GRM7: variants seen among roughly 807,000 people sequenced by gnomAD.
GRM7 encodes metabotropic glutamate receptor 7.
In GRM7, 35 loss-of-function variants were observed where a neutral mutation model predicts 84.5. The observed-to-expected ratio is 0.41, with a 90% CI of 0.32 to 0.55. GRM7 has a LOEUF of 0.55. Among genes scored for constraint, GRM7 ranks in the 20% least tolerant of loss-of-function variants. GRM7 has a pLI of 0.19. For missense variants in GRM7, 1,003 were observed against 1,194.6 expected (o/e 0.84, Z 2.36); for synonymous variants, 487 against 455.1 (o/e 1.07, Z -0.89).
chr3:7,313,708 A>G (rs996657064), intron 4 of GRM7, among the ~76,000 whole-genome samples: 2 of 152,130 alleles, frequency 1.3e-5, no homozygotes, highest in African/African-American at 2.4e-5. Context: ...ATATATCCCT[A>G]TATTTATCAC....
chr3:7,668,201 G>A (rs1699776923), intron 8 of GRM7, among the ~76,000 whole-genome samples: 1 of 152,164 alleles, frequency 6.6e-6, no homozygotes, highest in Non-Finnish European at 1.5e-5. Context: ...GAAAGTGTGT[G>A]CCCTGGGAGC....
chr3:7,134,046 A>T (rs1401821677), intron 1 of GRM7, among the ~76,000 whole-genome samples: 1 of 152,218 alleles, frequency 6.6e-6, no homozygotes, highest in Non-Finnish European at 1.5e-5. Flanking sequence ...TATAACTAAG[A>T]TGTCTATTTA....
At chr3:7,155,319 A>G (rs923506559) in intron 2 of GRM7, among the ~76,000 whole-genome samples, 2 of 152,106 alleles carry the variant, frequency 1.3e-5, no homozygotes, top group African/African-American at 4.8e-5. Flanking sequence ...AAAGTTGGGT[A>G]GTCACAGTGT....
chr3:6,908,051 A>G lies in GRM7; in HGVS notation c.519+46144A>G, dbSNP rs556713956. Among the ~76,000 whole-genome samples the G allele has an allele frequency of 3.9e-5, 6 of 152,128 alleles. No homozygotes were observed. The South Asian group carries it at 1.2e-3, about 32-fold the overall frequency. Reference sequence around the variant, plus strand: ...CGCTAAACTATGCAATAACAAAACTAAAAAAATAGCTAATATCGTTTTGTT... The same window carrying G: ...CGCTAAACTATGCAATAACAAAACTGAAAAAATAGCTAATATCGTTTTGTT... On this transcript the variant is annotated intron_variant, in intron 1 of 9. Coordinates refer to ENST00000357716, the MANE Select transcript of GRM7 (RefSeq NM_000844.4).
intron 5 of GRM7, among the ~76,000 whole-genome samples, chr3:7,432,579 C>T (rs1217816911): frequency 6.6e-6 from 1 of 151,884 alleles, no homozygotes; most frequent in African/African-American, 2.4e-5. Flanking sequence ...GCCTGTGCCT[C>T]CCAAAGTGCT....
At chr3:7,660,949 G>C (rs1322290996) in intron 8 of GRM7, among the ~76,000 whole-genome samples, 1 of 152,126 alleles carries the variant, frequency 6.6e-6, no homozygotes, top group Non-Finnish European at 1.5e-5. Context: ...CCCATGCCTA[G>C]TGCCATATAT....
intron 1 of GRM7, among the ~76,000 whole-genome samples, chr3:7,048,713 G>C (rs1249422942): frequency 6.6e-6 from 1 of 151,898 alleles, no homozygotes; most frequent in Non-Finnish European, 1.5e-5. Context: ...TGCATTACCT[G>C]ACATACTTAC....
intron 1 of GRM7, among the ~76,000 whole-genome samples, chr3:6,893,766 C>T (rs1696062319): frequency 6.6e-6 from 1 of 152,092 alleles, no homozygotes; most frequent in African/African-American, 2.4e-5. Context: ...TAGTTATATT[C>T]TGGTATTCTA....
In GRM7 at chr3:7,327,063, G is replaced by A. The variant is rs75571702; in HGVS notation, c.1033+20411G>A. 5.3e-3 allele frequency among the ~76,000 whole-genome samples: 800 copies of A among 152,318 alleles called. 8 individuals carry two copies. Among genetic ancestry groups the A allele is most frequent in the African/African-American group, 0.018 (740 of 41,582 alleles). Reference sequence around the variant, plus strand: ...GCATGGTGCCTGGCACATAACAGGTGCTCGAAGAAACTATTGAAGATGTTA... The same window carrying A: ...GCATGGTGCCTGGCACATAACAGGTACTCGAAGAAACTATTGAAGATGTTA... On this transcript the variant is annotated intron_variant, in intron 4 of 9. Transcript: ENST00000357716.
At chr3:7,030,954 C>G (rs1023114457) in intron 1 of GRM7, among the ~76,000 whole-genome samples, 5 of 152,060 alleles carry the variant, frequency 3.3e-5, no homozygotes, top group African/African-American at 1.2e-4. Context: ...CCTCCTTAGA[C>G]AAATCTTGGA....
intron 4 of GRM7, among the ~76,000 whole-genome samples, chr3:7,370,231 A>G (rs778494040): frequency 5.3e-5 from 8 of 152,198 alleles, no homozygotes; most frequent in South Asian, 2.1e-4. Context: ...TAGTAAATTA[A>G]AAGTCTTTTC....
Position 7,050,536 on chromosome 3 carries a change from T to C in GRM7, c.520-95916T>C, listed in dbSNP as rs1574836489. 2.0e-5 allele frequency among the ~76,000 whole-genome samples: 3 copies of C among 151,976 alleles called. No homozygotes were observed. The East Asian group carries it at 5.8e-4, about 29-fold the overall frequency. On this transcript the variant is annotated intron_variant, in intron 1 of 9. Coordinates refer to ENST00000357716, the MANE Select transcript of GRM7 (RefSeq NM_000844.4). Reference sequence around the variant, plus strand: ...TAATGTAAACAGTTTAATGATGTAATTGGTCAAGTAGATTGCATATTTAAT... The same window carrying C: ...TAATGTAAACAGTTTAATGATGTAACTGGTCAAGTAGATTGCATATTTAAT...
At chr3:6,867,896 C>A (rs78939806) in intron 1 of GRM7, among the ~76,000 whole-genome samples, 10 of 152,090 alleles carry the variant, frequency 6.6e-5, no homozygotes, top group African/African-American at 2.4e-4. Context: ...GACAAGTAAC[C>A]TGCTTTCAAC....
At chr3:7,212,611 A>G (rs1406071182) in intron 2 of GRM7, among the ~76,000 whole-genome samples, 1 of 152,234 alleles carries the variant, frequency 6.6e-6, no homozygotes, top group South Asian at 2.1e-4. Flanking sequence ...GAAGGAAGGT[A>G]ATTTTGTACA....
intron 4 of GRM7, among the ~76,000 whole-genome samples, chr3:7,406,912 G>C (rs990361716): frequency 6.6e-6 from 1 of 152,134 alleles, no homozygotes; most frequent in Admixed American, 6.5e-5. Context: ...GCACAATTTA[G>C]TGTGACAATT....
chr3:7,094,316 T>C (rs1313898069), intron 1 of GRM7, among the ~76,000 whole-genome samples: 3 of 152,164 alleles, frequency 2.0e-5, no homozygotes, highest in Non-Finnish European at 2.9e-5. Flanking sequence ...TTGGCCATAA[T>C]AAATGAGTTC....
chr3:7,709,887 GTCC>G (rs1217030744), intron 9 of GRM7, among the ~76,000 whole-genome samples: 23 of 152,014 alleles, frequency 1.5e-4, no homozygotes, highest in Non-Finnish European at 2.2e-4. Flanking sequence ...GGCTACCCAG[GTCC>G]ACCTTTCATT....
rs979500206 is a variant in GRM7, at chr3:7,152,231, C to T, written c.736+5563C>T. 2.2e-4 allele frequency among the ~76,000 whole-genome samples: 34 copies of T among 152,228 alleles called. 3 individuals carry two copies. The highest frequency in any genetic ancestry group is 1.3e-3 in the Admixed American group (20 of 15,286). On this transcript the variant is annotated intron_variant, in intron 2 of 9. Transcript: ENST00000357716. ...TTGTTAGCACCTCTTGAGTATGTCC[C>T]CTTCCCCCATCATTACAGTGACCTC...
intron 1 of GRM7, among the ~76,000 whole-genome samples, chr3:6,939,405 G>A (rs1559340050): frequency 6.6e-6 from 1 of 150,852 alleles, no homozygotes; most frequent in African/African-American, 2.4e-5. Flanking sequence ...TGAGGGAAAA[G>A]ATAATCAAAG....
Sources: gnomAD v4.1 joint callset for allele counts (sites outside exome capture counted in the v4.1 genomes callset) on GRCh38, gnomAD v4.1.1 for gene constraint, MANE v1.5 for transcripts, NCBI Gene and HGNC (gene_info 2026-07-23, HGNC 2026-07-21) for gene names.